PCDHGB4: variants seen among roughly 807,000 people sequenced by gnomAD.
The protein encoded by PCDHGB4 is protocadherin gamma-B4.
A neutral mutation model predicts 60.5 loss-of-function variants in PCDHGB4; 38 were observed. The ratio of observed to expected loss-of-function variants is 0.63; its 90% CI spans 0.48 to 0.82. The LOEUF is 0.82. PCDHGB4 is among the 40% of genes least tolerant of loss of function. PCDHGB4 has a pLI of 0.00. For missense variants in PCDHGB4, 1,109 were observed against 1,209.6 expected (o/e 0.92, Z 1.23); for synonymous variants, 456 against 509.7 (o/e 0.89, Z 1.42).
At chr5:141,399,464 C>T (rs747827208) in intron 1 of PCDHGB4, 4 of 1,614,018 alleles carry the variant, frequency 2.5e-6, no homozygotes, top group South Asian at 1.1e-5. Flanking sequence ...GATAACGCTC[C>T]GGTTTTCCAC....
chr5:141,456,122 C>A (rs1411002229), intron 1 of PCDHGB4, among the ~76,000 whole-genome samples: 1 of 152,176 alleles, frequency 6.6e-6, no homozygotes, highest in East Asian at 1.9e-4. Context: ...TGGTCTCCAT[C>A]TCCTGACCTC....
intron 1 of PCDHGB4, chr5:141,393,333 C>G: frequency 6.3e-7 from 1 of 1,582,250 alleles, no homozygotes; most frequent in Non-Finnish European, 8.6e-7. Context: ...CCAGCTCAGC[C>G]CCAATCACCA....
intron 1 of PCDHGB4, chr5:141,426,776 C>G (rs1258505646): frequency 2.2e-6 from 1 of 456,584 alleles, no homozygotes; most frequent in Admixed American, 2.3e-5. Flanking sequence ...TAGGGCCTCA[C>G]TCTCTCCAGA....
At chr5:141,461,441 T>A (rs959248029) in intron 1 of PCDHGB4, among the ~76,000 whole-genome samples, 7 of 152,194 alleles carry the variant, frequency 4.6e-5, no homozygotes, top group Admixed American at 4.6e-4. Flanking sequence ...TACCTTCTTT[T>A]GAGAAATGGC....
At position 141,412,100 on chromosome 5, in the gene PCDHGB4, C is replaced by T. The variant is rs1041242156; in HGVS notation, c.2397+21819C>T. On this transcript the variant is annotated intron_variant, in intron 1 of 3. Coordinates refer to ENST00000519479, the MANE Select transcript of PCDHGB4 (RefSeq NM_003736.4). ...TTGCTACTGGGTTGATGGGCACACA[C>T]AGTTGAAGATATGTGAACCACTGGA... The T allele has an allele frequency of 2.0e-5, 3 of 152,180 alleles. No homozygotes were observed. In the South Asian group the frequency reaches 6.2e-4, roughly 31 times the overall value. 9.4% of individuals were successfully genotyped at this position (152,180 alleles called of 1,614,324 possible).
chr5:141,505,434 A>C lies in PCDHGB4; in HGVS notation c.2498A>C (p.Gln833Pro), dbSNP rs1417754900. 1 of 1,614,198 alleles carries C rather than the reference A, an allele frequency of 6.2e-7. No homozygotes were observed. The highest frequency in any genetic ancestry group is 1.7e-5 in the Admixed American group (1 of 60,032). The change falls in exon 3 of 4, where the codon CAG (glutamine) becomes CCG (proline). Residue 833 changes from glutamine (Q) to proline (P), a missense_variant. Gln to Pro is a moderately conservative substitution (Grantham distance 76). Around this residue, in one of 2 missense-constraint regions of PCDHGB4, gnomAD observed 1,068 missense variants for 1,089.9 expected, o/e 0.98. Coordinates refer to ENST00000519479, the MANE Select transcript of PCDHGB4 (RefSeq NM_003736.4). ...GACACCGGCACCTGGCCCAACAACCAGTTTGACACAGAGATGCTGCAAGCC... is the reference window on the plus strand; with the variant it reads ...GACACCGGCACCTGGCCCAACAACCCGTTTGACACAGAGATGCTGCAAGCC... ...GDDTGTWPNN[Q>P]FDTEMLQAMI...
chr5:141,442,797 G>A (rs140116155), intron 1 of PCDHGB4, among the ~76,000 whole-genome samples: 1,916 of 152,222 alleles, frequency 0.013, 22 homozygotes, highest in Non-Finnish European at 0.02. Context: ...ATTTTACTTT[G>A]ATATTCAAAT....
At position 141,419,268 on chromosome 5, in the gene PCDHGB4, C is replaced by T. The variant is rs1240259934; in HGVS notation, c.2397+28987C>T. 6.2e-6 allele frequency: 10 copies of T among 1,614,050 alleles called. No homozygotes were observed. The East Asian group carries it at 2.2e-4, about 36-fold the overall frequency. ...CCAGAAAACAACCAGCCGGGTGCCT[C>T]CATAGCGCAAGTCAGTGCCTCTGAC... is the stretch of plus-strand genomic sequence containing the variant. On this transcript the variant is annotated intron_variant, in intron 1 of 3. Transcript: ENST00000519479.
chr5:141,405,351 C>T (rs2094645564), intron 1 of PCDHGB4: 1 of 1,613,962 alleles, frequency 6.2e-7, no homozygotes, highest in Non-Finnish European at 8.5e-7. Context: ...TCCAAGTTTC[C>T]TATAGAAGAC....
At chr5:141,404,684 G>GT in intron 1 of PCDHGB4, 1 of 1,614,104 alleles carries the variant, frequency 6.2e-7, no homozygotes, top group Non-Finnish European at 8.5e-7. Flanking sequence ...TGTGGAGCTG[G>GT]CACCCCGCTC....
In PCDHGB4 at chr5:141,499,676, C is replaced by G. The variant is rs534287777; in HGVS notation, c.2456+4811C>G. On this transcript the variant is annotated intron_variant, in intron 2 of 3. Coordinates refer to ENST00000519479, the MANE Select transcript of PCDHGB4 (RefSeq NM_003736.4). Reference sequence around the variant, plus strand: ...ATAATTTCATCTTGGTCTCCACCATCTTTAACAGATGACTTTTTTTTTTTT... The same window carrying G: ...ATAATTTCATCTTGGTCTCCACCATGTTTAACAGATGACTTTTTTTTTTTT... Among the ~76,000 whole-genome samples, 13 of 144,474 alleles carry G rather than the reference C, an allele frequency of 9.0e-5. No homozygotes were observed. In the South Asian group the frequency reaches 2.9e-3, roughly 33 times the overall value. The allele number at this position is 144,474 out of a possible 152,430, so 94.8% of individuals were successfully genotyped here.
chr5:141,506,380 TG>T (rs2099852860), intron 3 of PCDHGB4, among the ~76,000 whole-genome samples: 1 of 141,314 alleles, frequency 7.1e-6, no homozygotes, highest in Non-Finnish European at 1.5e-5. Flanking sequence ...ACCTGGGAGG[TG>T]GCTGTGGTGA....
intron 1 of PCDHGB4, chr5:141,412,049 T>C (rs2095532088): frequency 1.3e-5 from 2 of 152,256 alleles, no homozygotes; most frequent in Admixed American, 1.3e-4. Flanking sequence ...AGTGAACTTC[T>C]ATACCCTTTG....
At chr5:141,458,100 A>AT (rs2098937418) in intron 1 of PCDHGB4, among the ~76,000 whole-genome samples, 1 of 152,252 alleles carries the variant, frequency 6.6e-6, no homozygotes, top group Non-Finnish European at 1.5e-5. Context: ...GAGTACTTAC[A>AT]GATAGTCTCC....
chr5:141,423,061 G>T, intron 1 of PCDHGB4: 2 of 1,614,160 alleles, frequency 1.2e-6, no homozygotes, highest in Non-Finnish European at 1.7e-6. Context: ...CCTGCTTAAG[G>T]CCAGCGAGCC....
intron 1 of PCDHGB4, among the ~76,000 whole-genome samples, chr5:141,426,098 A>T (rs144349682): frequency 6.6e-6 from 1 of 152,356 alleles, no homozygotes; most frequent in Non-Finnish European, 1.5e-5. Flanking sequence ...TATTCTGTTC[A>T]GTCACAGAAG....
intron 1 of PCDHGB4, among the ~76,000 whole-genome samples, chr5:141,434,221 G>T (rs760622311): frequency 6.6e-6 from 1 of 152,206 alleles, no homozygotes; most frequent in Admixed American, 6.5e-5. Flanking sequence ...TGTAAACAAA[G>T]TACGATTTCT....
At chr5:141,435,112 T>A (rs906494104) in intron 1 of PCDHGB4, among the ~76,000 whole-genome samples, 1 of 152,102 alleles carries the variant, frequency 6.6e-6, no homozygotes, top group Non-Finnish European at 1.5e-5. Context: ...GGGGGAGAAA[T>A]CTAATTCAAT....
chr5:141,392,822 T>C (rs1234169256), intron 1 of PCDHGB4: 1 of 1,595,210 alleles, frequency 6.3e-7, no homozygotes, highest in East Asian at 2.2e-5. Context: ...CAATGGCCGC[T>C]CCACAGAGTC....
Sources: allele counts gnomAD v4.1 joint callset (sites outside exome capture counted in the v4.1 genomes callset), GRCh38; gene constraint gnomAD v4.1.1; regional missense constraint gnomAD v4.1.1; transcripts MANE v1.5; gene names NCBI Gene and HGNC (gene_info 2026-07-23, HGNC 2026-07-21).